The following FAHD2B variants were observed in gnomAD, a reference collection of about 807,000 sequenced individuals.
FAHD2B encodes the protein fumarylacetoacetate hydrolase domain containing 2B, also known as oxaloacetate tautomerase FAHD2B, mitochondrial.
Under a neutral mutation model 33.7 loss-of-function variants are expected in FAHD2B, and 26 were observed. The observed-to-expected ratio is 0.77, with a 90% CI of 0.57 to 1.07. FAHD2B has a LOEUF of 1.07. Among genes scored for constraint, FAHD2B ranks in the 50% least tolerant of loss-of-function variants. The pLI, the probability that FAHD2B is intolerant of heterozygous loss-of-function variation, is 0.00. For synonymous variants in FAHD2B, 108 were observed against 150.9 expected (o/e 0.72, Z 2.08); for missense variants, 272 against 388.1 (o/e 0.70, Z 2.51).
chr2:97,086,357 G>A (rs1281300479), intron 4 of FAHD2B, among the ~76,000 whole-genome samples, 159 bp from the exon 5 acceptor site: 1 of 152,078 alleles, frequency 6.6e-6, no homozygotes, highest in Non-Finnish European at 1.5e-5. Context: ...AGGGAGGTGT[G>A]ACTTGTAGAC....
chr2:97,087,518 TGAAA>T (rs2032068545), intron 4 of FAHD2B, among the ~76,000 whole-genome samples: 1 of 151,894 alleles, frequency 6.6e-6, no homozygotes, highest in African/African-American at 2.4e-5. Flanking sequence ...GCCAACATGG[TGAAA>T]CCCTGTCTCT....
At chr2:97,079,039 A>G (rs183735574), downstream of FAHD2B, among the ~76,000 whole-genome samples, 378 of 152,186 alleles carry the variant, frequency 2.5e-3, 4 homozygotes, top group African/African-American at 9.0e-3. Context: ...CTGTTCCTGC[A>G]TTAGTTTGCT....
intron 4 of FAHD2B, among the ~76,000 whole-genome samples, chr2:97,087,287 G>A (rs1425071935): frequency 1.3e-5 from 2 of 152,074 alleles, no homozygotes; most frequent in African/African-American, 2.4e-5. Context: ...TCCTGAACTC[G>A]TGATCTGCCC....
At chr2:97,086,046 G>A (rs62155550) in intron 5 of FAHD2B, 93 bp downstream of exon 5, 906,657 of 1,345,364 alleles carry the variant, frequency 0.67, 338,978 homozygotes, top group Non-Finnish European at 0.77. Flanking sequence ...GACAGCTGGT[G>A]CCGTGTGTCG....
downstream of FAHD2B, among the ~76,000 whole-genome samples, chr2:97,079,230 C>T (rs370081295): frequency 2.8e-4 from 43 of 152,158 alleles, no homozygotes; most frequent in East Asian, 4.0e-3. Flanking sequence ...CTGCAATGGA[C>T]GCATGCATGC....
downstream of FAHD2B, chr2:97,081,368 C>G: frequency 6.4e-7 from 1 of 1,563,914 alleles, no homozygotes; most frequent in South Asian, 1.2e-5. Flanking sequence ...TGGCCTTGCC[C>G]GGTCTTTGGC....
In FAHD2B at chr2:97,090,321, A is replaced by G. The variant is rs747718311; in HGVS notation, c.250T>C (p.Leu84=). The G allele has an allele frequency of 5.2e-5, 84 of 1,607,518 alleles. No individual in the cohort carries two copies. Among genetic ancestry groups the G allele is most frequent in the South Asian group, 4.7e-4 (42 of 89,878 alleles). Residue 84 remains leucine (L), a synonymous_variant, in exon 4 of 9, where the codon TTG becomes CTG. Transcript: ENST00000414820. ...GGTAGGACTGGCAACTGGGCAGCCA[A>G]GGCTCTGTAGAGACCAGAGCAGGTG... ...EATLSVARRA[L]AAQLPVLPWS...
chr2:97,082,810 G>A, downstream of FAHD2B: 1 of 1,268,976 alleles, frequency 7.9e-7, no homozygotes, highest in South Asian at 1.2e-5. Context: ...CACCCCAATA[G>A]AGTGGCTCAG....
chr2:97,092,012 T>G (rs1426342047), intron 1 of FAHD2B, 24 bp from the exon 2 acceptor site: 1 of 311,172 alleles, frequency 3.2e-6, no homozygotes, highest in Non-Finnish European at 6.0e-6. Context: ...GGAAACAATG[T>G]AGGTCAAACT....
At chr2:97,084,299 T>C in intron 6 of FAHD2B, 22 bp from the exon 7 acceptor site, 1 of 1,611,454 alleles carries the variant, frequency 6.2e-7, no homozygotes, top group Non-Finnish European at 8.5e-7. Context: ...AGATGGAACC[T>C]TGGAGTTATC....
downstream of FAHD2B, among the ~76,000 whole-genome samples, chr2:97,079,361 A>G (rs2031574165): frequency 6.6e-6 from 1 of 152,118 alleles, no homozygotes; most frequent in Non-Finnish European, 1.5e-5. Context: ...GTTTTCCACA[A>G]TGGTTGAACT....
intron 1 of FAHD2B, among the ~76,000 whole-genome samples, chr2:97,093,549 A>G (rs1194885878): frequency 7.3e-6 from 1 of 137,168 alleles, no homozygotes; most frequent in Non-Finnish European, 1.5e-5. Context: ...ATCTTGGCTC[A>G]CTGCAAGCTC....
At chr2:97,093,471 CTT>C (rs34927915) in intron 1 of FAHD2B, among the ~76,000 whole-genome samples, 2,461 of 92,034 alleles carry the variant, frequency 0.027, 39 homozygotes, top group African/African-American at 0.083. Flanking sequence ...TGATTTAATT[CTT>C]TTTTTTTTTT....
At chr2:97,082,480 T>C (rs2031682309), downstream of FAHD2B, 5 of 1,612,758 alleles carry the variant, frequency 3.1e-6, no homozygotes, top group Non-Finnish European at 4.2e-6. Flanking sequence ...TCTCAACCAG[T>C]CAGCCCAGGC....
At chr2:97,088,724 C>A (rs546813624) in intron 4 of FAHD2B, among the ~76,000 whole-genome samples, 2 of 151,932 alleles carry the variant, frequency 1.3e-5, no homozygotes, top group African/African-American at 4.8e-5. Flanking sequence ...TGGTTGATCA[C>A]AGAGCAACAA....
downstream of FAHD2B, among the ~76,000 whole-genome samples, chr2:97,078,922 A>G (rs2031564489): frequency 6.6e-6 from 1 of 151,866 alleles, no homozygotes; most frequent in East Asian, 1.9e-4. Context: ...CTCACCCTCC[A>G]TCCTCTGGTA....
intron 4 of FAHD2B, chr2:97,089,792 G>A: frequency 4.6e-6 from 2 of 438,360 alleles, no homozygotes; most frequent in South Asian, 4.6e-5. Context: ...ACATATACAG[G>A]AGTGGAGAAA....
At chr2:97,094,179 G>C (rs571498005) in intron 1 of FAHD2B, among the ~76,000 whole-genome samples, 16 of 152,192 alleles carry the variant, frequency 1.1e-4, no homozygotes, top group South Asian at 1.0e-3. Flanking sequence ...CCTCAGGGAC[G>C]AGGCTGGTTA....
chr2:97,091,637 A>T lies in FAHD2B; in HGVS notation c.70T>A (p.Ser24Thr), dbSNP rs773414590. The change falls in exon 3 of 9, where the codon TCC (serine) becomes ACC (threonine). Residue 24 changes from serine to threonine, a missense_variant. Coordinates refer to ENST00000414820, the MANE Select transcript of FAHD2B (RefSeq NM_001320848.2). The part of the protein sequence containing the change: ...LQAQKWPFQP[S>T]RDMRLVQFRA... ...AACTGCACTAGTCTCATGTCTCTGGAGGGTTGAAAGGGCCACTTCTGAGCC... is the reference window on the plus strand; with the variant it reads ...AACTGCACTAGTCTCATGTCTCTGGTGGGTTGAAAGGGCCACTTCTGAGCC... The T allele has an allele frequency of 2.5e-6, 4 of 1,613,762 alleles. 1 individual carries two copies. The highest frequency in any genetic ancestry group is 4.5e-5 in the East Asian group (2 of 44,870).
Sources: gnomAD v4.1 joint callset for allele counts (sites outside exome capture counted in the v4.1 genomes callset) on GRCh38, gnomAD v4.1.1 for gene constraint, MANE v1.5 for transcripts, NCBI Gene and HGNC (gene_info 2026-07-23, HGNC 2026-07-21) for gene names.